OR11A1: variants seen among roughly 807,000 people sequenced by gnomAD.
OR11A1 encodes olfactory receptor family 11 subfamily A member 1.
For missense variants in OR11A1, 380 were observed against 378.2 expected, an observed-to-expected ratio of 1.00 and a Z score of -0.04; for synonymous variants, 158 against 152.2, an observed-to-expected ratio of 1.04 and a Z score of -0.28.
In OR11A1 at chr6:29,453,165, TTATAA is replaced by T. The variant is rs1785623119; in HGVS notation, c.-389+3817_-389+3821del. On this transcript the variant is annotated intron_variant, in intron 1 of 4. Transcript: ENST00000377149. This position sits in a 1 kb window ranked among gnomAD's most constrained non-coding sequence, Gnocchi z 4.5. ...ATACACTTATAGATTAAAAATAAAA[TTATAA>T]TATAAATTATGAAATAAATAATAAA... is the stretch of plus-strand genomic sequence containing the variant. 6.7e-6 allele frequency among the ~76,000 whole-genome samples: 1 copy of T among 148,742 alleles called. No homozygotes were observed. The highest frequency in any genetic ancestry group is 2.1e-4 in the South Asian group (1 of 4,780).
chr6:29,430,385 T>C lies in OR11A1; in HGVS notation c.-224A>G. 1 of 985,374 alleles carries C rather than the reference T, an allele frequency of 1.0e-6. No homozygotes were observed. The highest frequency in any genetic ancestry group is 1.2e-6 in the Non-Finnish European group (1 of 829,906). The allele number at this position is 985,374 out of a possible 1,614,324, so 61.0% of individuals were successfully genotyped here. ...TTTAACTCTAGATTATTTTATCTGG[T>C]CCAAACTCATTCTGAGGCTTGGAGT... On this transcript the variant is annotated 5_prime_UTR_variant, in exon 3 of 5. Coordinates refer to ENST00000377149, the MANE Select transcript of OR11A1 (RefSeq NM_001394828.1).
intron 1 of OR11A1, chr6:29,440,142 C>G (rs1329392507): frequency 6.2e-7 from 1 of 1,613,572 alleles, no homozygotes; most frequent in South Asian, 1.1e-5. Flanking sequence ...AGGCAATTTC[C>G]TCATTGTGGT....
At position 29,431,965 on chromosome 6, in the gene OR11A1, CTCCCTCCCTGCT is replaced by C. The variant is rs1783259292; in HGVS notation, c.-378_-367del. On this transcript the variant is annotated 5_prime_UTR_variant, in exon 2 of 5. Coordinates refer to ENST00000377149, the MANE Select transcript of OR11A1 (RefSeq NM_001394828.1). Reference sequence around the variant, plus strand: ...GAATGTTGGAATTTCCTACCTTCAGCTCCCTCCCTGCTTGAGCTCAACCTGAAGTAACGTAGA... The same window carrying C: ...GAATGTTGGAATTTCCTACCTTCAGCTGAGCTCAACCTGAAGTAACGTAGA... 1.0e-6 allele frequency: 1 copy of C among 985,260 alleles called. No homozygotes were observed. The highest frequency in any genetic ancestry group is 1.2e-6 in the Non-Finnish European group (1 of 829,922). 61.0% of individuals were successfully genotyped at this position (985,260 alleles called of 1,614,324 possible).
At position 29,426,529 on chromosome 6, in the gene OR11A1, T is replaced by C. The variant is rs1290120701; in HGVS notation, c.*165A>G. On this transcript the variant is annotated 3_prime_UTR_variant, in exon 5 of 5. Transcript: ENST00000377149. ...TGCACATGTACCCTTGAACTTAAAATAAAAGTTAAAAAATTGTTGCCCTAT... is the reference window on the plus strand; with the variant it reads ...TGCACATGTACCCTTGAACTTAAAACAAAAGTTAAAAAATTGTTGCCCTAT... 9 of 588,358 alleles carry C rather than the reference T, an allele frequency of 1.5e-5. No individual in the cohort carries two copies. In the East Asian group the frequency reaches 2.5e-4, roughly 16 times the overall value. The allele number at this position is 588,358 out of a possible 1,614,324, so 36.4% of individuals were successfully genotyped here. A position where few individuals can be genotyped will look rare whatever the true frequency, so the allele number is the denominator to read the frequency against.
chr6:29,443,388 T>A (rs1784404526), intron 1 of OR11A1, among the ~76,000 whole-genome samples: 1 of 152,188 alleles, frequency 6.6e-6, no homozygotes. Flanking sequence ...TGTACTCTTT[T>A]TAGTCTGACT....
At position 29,427,546 on chromosome 6, in the gene OR11A1, T is replaced by A; in HGVS notation, c.96A>T (p.Val32=). ...TGATGAAGACATAGACAGCAGTGAA[T>A]ACAATAAAAAACAAGAAATGCAGTT... ...IPELHFLFFI[V]FTAVYVFIII... is the part of the protein sequence containing the mutation. The change falls in exon 5 of 5, where the codon GTA becomes GTT. Residue 32 remains valine (V), a synonymous_variant. Coordinates refer to ENST00000377149, the MANE Select transcript of OR11A1 (RefSeq NM_001394828.1). 1.2e-6 allele frequency: 2 copies of A among 1,612,992 alleles called. No homozygotes were observed. The highest frequency in any genetic ancestry group is 1.6e-4 in the Middle Eastern group (1 of 6,062).
chr6:29,440,237 T>C lies in OR11A1; in HGVS notation c.-388-8250A>G, dbSNP rs139911253. 3.4e-3 allele frequency: 5,532 copies of C among 1,613,974 alleles called. 31 individuals are homozygous for C. The highest frequency in any genetic ancestry group is 0.017 in the Middle Eastern group (101 of 6,062). On this transcript the variant is annotated intron_variant, in intron 1 of 4. Transcript: ENST00000377149. ...CGGCCTTGGAGATTGGCTATACGTC[T>C]GTCACGGTCCCCCTGCTACTTCACC...
intron 1 of OR11A1, among the ~76,000 whole-genome samples, chr6:29,447,868 C>G (rs1285326668): frequency 1.3e-5 from 2 of 152,148 alleles, no homozygotes; most frequent in African/African-American, 4.8e-5. Context: ...ACTGGATATG[C>G]ATTCTTTGCA....
intron 1 of OR11A1, chr6:29,440,443 T>A: frequency 6.2e-7 from 1 of 1,614,092 alleles, no homozygotes; most frequent in Non-Finnish European, 8.5e-7. Context: ...TGTCTACAGC[T>A]AGCTGGGTCG....
intron 3 of OR11A1, among the ~76,000 whole-genome samples, 173 bp downstream of exon 3, chr6:29,430,128 G>T (rs192358530): frequency 6.6e-6 from 1 of 152,236 alleles, no homozygotes; most frequent in Non-Finnish European, 1.5e-5. Flanking sequence ...CTACTGTACC[G>T]AAGTCTTACA....
rs1348078380 is a variant in OR11A1, at chr6:29,427,057, C to T, written c.585G>A (p.Val195=). 3 of 1,612,184 alleles carry T rather than the reference C, an allele frequency of 1.9e-6. No homozygotes were observed. The highest frequency in any genetic ancestry group is 2.7e-5 in the African/African-American group (2 of 74,936). The change falls in exon 5 of 5, where the codon GTG becomes GTA. Residue 195 remains valine, a synonymous_variant. Coordinates refer to ENST00000377149, the MANE Select transcript of OR11A1 (RefSeq NM_001394828.1). The part of the protein sequence containing the change: ...FVGLACSDPR[V]AQVTTLILSV... Reference sequence around the variant, plus strand: ...ACAGAATGAGAGTTGTCACCTGAGCCACTCTGGGATCCGAGCAAGCCAGGC... The same window carrying T: ...ACAGAATGAGAGTTGTCACCTGAGCTACTCTGGGATCCGAGCAAGCCAGGC...
At chr6:29,449,076 G>A (rs1430456266) in intron 1 of OR11A1, among the ~76,000 whole-genome samples, 1 of 152,182 alleles carries the variant, frequency 6.6e-6, no homozygotes, top group Non-Finnish European at 1.5e-5. Flanking sequence ...AAGGAATGAT[G>A]AATAGAAAGC....
intron 1 of OR11A1, among the ~76,000 whole-genome samples, chr6:29,447,344 G>A (rs978385537): frequency 1.3e-5 from 2 of 152,116 alleles, no homozygotes; most frequent in Admixed American, 1.3e-4. Context: ...TTTTTGCAAT[G>A]GACCACAGAT....
At chr6:29,444,125 G>A (rs937656593) in intron 1 of OR11A1, among the ~76,000 whole-genome samples, 1 of 152,162 alleles carries the variant, frequency 6.6e-6, no homozygotes, top group Non-Finnish European at 1.5e-5. Context: ...AATTATGGGG[G>A]TGGATGTTTC....
At chr6:29,445,926 A>G (rs1784722191) in intron 1 of OR11A1, among the ~76,000 whole-genome samples, 1 of 152,152 alleles carries the variant, frequency 6.6e-6, no homozygotes, top group African/African-American at 2.4e-5. Flanking sequence ...GAACTCAGGT[A>G]CATCAGGGCC....
intron 1 of OR11A1, among the ~76,000 whole-genome samples, chr6:29,454,329 G>A (rs774224123): frequency 2.6e-5 from 4 of 151,984 alleles, no homozygotes; most frequent in Non-Finnish European, 5.9e-5. Flanking sequence ...ATATAGATGG[G>A]TATCATCCAA....
At position 29,430,358 on chromosome 6, in the gene OR11A1, T is replaced by G; in HGVS notation, c.-197A>C. On this transcript the variant is annotated 5_prime_UTR_variant, in exon 3 of 5. The change abolishes an upstream ATG in the 5' untranslated region. Transcript: ENST00000377149. ...AATCTGGCACTCCCTATGTGGGCCA[T>G]CTTTAACTCTAGATTATTTTATCTG... 4.1e-6 allele frequency: 4 copies of G among 985,394 alleles called. No individual in the cohort carries two copies. Among genetic ancestry groups the G allele is most frequent in the Non-Finnish European group, 4.8e-6 (4 of 829,904 alleles). 61.0% of individuals were successfully genotyped at this position (985,394 alleles called of 1,614,324 possible).
chr6:29,453,204 A>AAT lies in OR11A1; in HGVS notation c.-389+3781_-389+3782dup, dbSNP rs199653404. Among the ~76,000 whole-genome samples, 13 of 149,058 alleles carry AAT rather than the reference A, an allele frequency of 8.7e-5. No individual in the cohort carries two copies. The highest frequency in any genetic ancestry group is 2.7e-4 in the African/African-American group (11 of 41,072). On this transcript the variant is annotated intron_variant, in intron 1 of 4. Transcript: ENST00000377149. This position sits in a 1 kb window ranked among gnomAD's most constrained non-coding sequence, Gnocchi z 4.5. ...ATGAAATAAATAATAAATATAAATT[A>AAT]ATATATATACATTAAAAATAAAATT...
At chr6:29,448,333 A>T (rs538933866) in intron 1 of OR11A1, among the ~76,000 whole-genome samples, 13 of 152,260 alleles carry the variant, frequency 8.5e-5, no homozygotes, top group African/African-American at 3.1e-4. Context: ...CTTTCTAAGG[A>T]AGTGAAGATG....
Sources: allele counts gnomAD v4.1 joint callset (sites outside exome capture counted in the v4.1 genomes callset), GRCh38; gene constraint gnomAD v4.1.1; non-coding constraint Gnocchi (gnomAD v3.1); transcripts MANE v1.5; gene names NCBI Gene and HGNC (gene_info 2026-07-23, HGNC 2026-07-21).